The following RAD51B variants were observed in gnomAD, a reference collection of about 807,000 sequenced individuals.
The protein encoded by RAD51B is RAD51 paralog B.
RAD51B carries 38 observed loss-of-function variants against 42.2 expected under a neutral mutation model. The ratio of observed to expected loss-of-function variants is 0.90; its 90% CI spans 0.70 to 1.18. The LOEUF is 1.18. Ranked by LOEUF, RAD51B falls within the 50% of genes most tolerant of loss-of-function variation. The pLI, the probability that RAD51B is intolerant of heterozygous loss-of-function variation, is 0.00. For synonymous variants in RAD51B, 154 were observed against 145.2 expected (o/e 1.06, Z -0.43); for missense variants, 373 against 400.7 (o/e 0.93, Z 0.59).
At chr14:68,409,670 T>C (rs769128975) in intron 8 of RAD51B, among the ~76,000 whole-genome samples, 4 of 152,112 alleles carry the variant, frequency 2.6e-5, no homozygotes, top group African/African-American at 4.8e-5. Context: ...TGGGAGACCA[T>C]CCAGTGAGGA....
intron 9 of RAD51B, among the ~76,000 whole-genome samples, chr14:68,460,142 G>T (rs1594870204): frequency 6.6e-6 from 1 of 152,214 alleles, no homozygotes; most frequent in East Asian, 1.9e-4. Flanking sequence ...AAACTGCCAG[G>T]ACCAGAAGTC....
chr14:68,254,137 G>A (rs1485270299), intron 7 of RAD51B, among the ~76,000 whole-genome samples: 1 of 152,112 alleles, frequency 6.6e-6, no homozygotes, highest in Non-Finnish European at 1.5e-5. Context: ...GCCACTTCAT[G>A]TTACTTGTTT....
At chr14:68,147,178 C>T (rs186570697) in intron 7 of RAD51B, among the ~76,000 whole-genome samples, 1 of 152,300 alleles carries the variant, frequency 6.6e-6, no homozygotes, top group Admixed American at 6.5e-5. Context: ...AAAACATCAA[C>T]TGAGATCTAT....
intron 7 of RAD51B, among the ~76,000 whole-genome samples, chr14:68,179,059 G>A (rs2767381): frequency 0.016 from 2,384 of 152,252 alleles, 51 homozygotes; most frequent in African/African-American, 0.053. Context: ...AGGCAGGTAA[G>A]AGCAATGCCA....
At chr14:68,079,371 T>C (rs952665091) in intron 7 of RAD51B, among the ~76,000 whole-genome samples, 7 of 152,226 alleles carry the variant, frequency 4.6e-5, no homozygotes, top group Admixed American at 1.3e-4. Flanking sequence ...ACATATTGTT[T>C]CATTGATTTG....
At chr14:68,415,760 G>A (rs1229799269) in intron 9 of RAD51B, among the ~76,000 whole-genome samples, 1 of 152,176 alleles carries the variant, frequency 6.6e-6, no homozygotes, top group Non-Finnish European at 1.5e-5. Context: ...TTGAAAGAAG[G>A]AAGAAAAACT....
At chr14:68,037,413 G>T (rs566588616) in intron 7 of RAD51B, among the ~76,000 whole-genome samples, 20 of 151,458 alleles carry the variant, frequency 1.3e-4, no homozygotes, top group African/African-American at 4.8e-4. Flanking sequence ...TAGAGACAGG[G>T]TTTTACCACG....
At chr14:68,600,210 C>T (rs1275440635), downstream of RAD51B, among the ~76,000 whole-genome samples, 1 of 152,166 alleles carries the variant, frequency 6.6e-6, no homozygotes, top group African/African-American at 2.4e-5. Context: ...AGCAGTGCCT[C>T]CACAAACAAT....
intron 7 of RAD51B, among the ~76,000 whole-genome samples, chr14:68,213,539 T>G (rs879634531): frequency 6.6e-6 from 1 of 152,148 alleles, no homozygotes; most frequent in South Asian, 2.1e-4. Flanking sequence ...GAAGCTTAGG[T>G]TGATAGCAAG....
At chr14:68,057,575 T>C (rs973976045) in intron 7 of RAD51B, among the ~76,000 whole-genome samples, 1 of 152,106 alleles carries the variant, frequency 6.6e-6, no homozygotes, top group African/African-American at 2.4e-5. Context: ...CAAAATGCAT[T>C]TGTAAACATT....
intron 7 of RAD51B, among the ~76,000 whole-genome samples, chr14:68,118,980 A>C (rs1433337037): frequency 1.3e-5 from 2 of 151,940 alleles, no homozygotes; most frequent in South Asian, 2.1e-4. Flanking sequence ...TTATTGAGAC[A>C]AAGTCTCACT....
intron 7 of RAD51B, among the ~76,000 whole-genome samples, chr14:68,042,199 A>G (rs2076228842): frequency 1.3e-5 from 2 of 152,182 alleles, no homozygotes; most frequent in Non-Finnish European, 2.9e-5. Flanking sequence ...CTCAGTATTT[A>G]TATAGTTGTT....
intron 7 of RAD51B, chr14:68,113,966 T>G (rs1179951647): frequency 6.6e-6 from 1 of 152,118 alleles, no homozygotes. Flanking sequence ...TTCTGATGAG[T>G]AGGCAACTCT....
At chr14:68,518,738 C>T (rs544593959) in intron 10 of RAD51B, among the ~76,000 whole-genome samples, 4 of 152,254 alleles carry the variant, frequency 2.6e-5, no homozygotes, top group Non-Finnish European at 5.9e-5. Context: ...ACAAGGTTAG[C>T]AGCGTAGCTG....
chr14:68,655,130 AGTGTGT>A (rs3077341), intron 11 of RAD51B, among the ~76,000 whole-genome samples: 2 of 150,256 alleles, frequency 1.3e-5, no homozygotes, highest in East Asian at 2.0e-4. Flanking sequence ...GCAAATGGTG[AGTGTGT>A]GTGTGTGTGT....
At chr14:67,939,414 A>G (rs1461495017) in intron 7 of RAD51B, among the ~76,000 whole-genome samples, 1 of 152,214 alleles carries the variant, frequency 6.6e-6, no homozygotes, top group African/African-American at 2.4e-5. Context: ...TGACAGTAGT[A>G]AGTGAAATGC....
intron 7 of RAD51B, among the ~76,000 whole-genome samples, chr14:67,895,970 TACAC>T (rs2043403249): frequency 6.6e-6 from 1 of 152,244 alleles, no homozygotes; most frequent in Non-Finnish European, 1.5e-5. Flanking sequence ...TCTTTTGTAG[TACAC>T]ATGGTCTTAA....
intron 11 of RAD51B, among the ~76,000 whole-genome samples, chr14:68,669,627 TACACACACACACACAC>T (rs34821600): frequency 1.4e-5 from 2 of 147,914 alleles, no homozygotes; most frequent in African/African-American, 2.5e-5. Context: ...ACCCGCCACT[TACACACACACACACAC>T]ACACACACAC....
chr14:67,841,948 T>C (rs2041443613), intron 4 of RAD51B, among the ~76,000 whole-genome samples: 1 of 152,130 alleles, frequency 6.6e-6, no homozygotes, highest in African/African-American at 2.4e-5. Flanking sequence ...AAAATGACAT[T>C]GGTAATTTGA....
Sources: allele counts gnomAD v4.1 joint callset (sites outside exome capture counted in the v4.1 genomes callset), GRCh38; gene constraint gnomAD v4.1.1; transcripts MANE v1.5; gene names NCBI Gene and HGNC (gene_info 2026-07-23, HGNC 2026-07-21).